The following GALNT13 variants were observed in gnomAD, a reference collection of about 807,000 sequenced individuals.
The protein encoded by GALNT13 is polypeptide N-acetylgalactosaminyltransferase 13.
Under a neutral mutation model 64.2 loss-of-function variants are expected in GALNT13, and 28 were observed. That is an observed-to-expected ratio of 0.44 (90% CI 0.32 to 0.60). GALNT13 has a LOEUF of 0.60. Among genes scored for constraint, GALNT13 ranks in the 20% least tolerant of loss-of-function variants. The probability of loss-of-function intolerance (pLI) is 0.05; values close to 1 mark genes in which losing one functional copy is unlikely to be tolerated. For synonymous variants in GALNT13, 214 were observed against 224.6 expected (o/e 0.95, Z 0.42); for missense variants, 577 against 669.8 (o/e 0.86, Z 1.53).
chr2:153,291,561 C>G, the GALNT13 span, among the ~76,000 whole-genome samples: 1 of 152,128 alleles, frequency 6.6e-6, no homozygotes, highest in African/African-American at 2.4e-5. Flanking sequence ...TTCATCCCCA[C>G]CACCATGCTG....
At chr2:154,371,605 G>A (rs1697689831) in intron 9 of GALNT13, among the ~76,000 whole-genome samples, 1 of 152,046 alleles carries the variant, frequency 6.6e-6, no homozygotes, top group Non-Finnish European at 1.5e-5. Flanking sequence ...CTTGAGGAGG[G>A]CAGAGGGGAC....
the GALNT13 span, among the ~76,000 whole-genome samples, chr2:153,347,445 T>C: frequency 6.7e-3 from 1,023 of 152,298 alleles, 14 homozygotes; most frequent in African/African-American, 0.023. Context: ...ATAATGAATT[T>C]CAAGACAGCA....
intron 3 of GALNT13, among the ~76,000 whole-genome samples, chr2:154,072,278 C>T (rs1157521393): frequency 6.6e-6 from 1 of 151,998 alleles, no homozygotes; most frequent in Non-Finnish European, 1.5e-5. Context: ...TGCTACATGG[C>T]CCACATGTTT....
intron 8 of GALNT13, among the ~76,000 whole-genome samples, chr2:154,288,023 A>G (rs1692374961): frequency 6.6e-6 from 1 of 152,074 alleles, no homozygotes; most frequent in South Asian, 2.1e-4. Flanking sequence ...TCACACTGCT[A>G]GTAAAGACAT....
chr2:153,811,022 G>T, the GALNT13 span, among the ~76,000 whole-genome samples: 1 of 152,110 alleles, frequency 6.6e-6, no homozygotes, highest in Non-Finnish European at 1.5e-5. Context: ...GTAAAATGCA[G>T]ATAATGCCCC....
At chr2:153,099,455 T>C in the GALNT13 span, among the ~76,000 whole-genome samples, 2 of 152,310 alleles carry the variant, frequency 1.3e-5, no homozygotes, top group South Asian at 2.1e-4. Flanking sequence ...TATTGATATA[T>C]TGATAAACTC....
chr2:153,281,226 A>C, the GALNT13 span, among the ~76,000 whole-genome samples: 1 of 151,294 alleles, frequency 6.6e-6, no homozygotes, highest in African/African-American at 2.4e-5. Context: ...TTCTGTTTGC[A>C]TGATGGATCT....
chr2:154,123,137 G>A (rs1682051779), intron 3 of GALNT13, among the ~76,000 whole-genome samples: 1 of 151,934 alleles, frequency 6.6e-6, no homozygotes, highest in African/African-American at 2.4e-5. Flanking sequence ...AAAGCTGAAG[G>A]AAATTTTTTC....
chr2:154,383,913 C>CAG (rs374064455), intron 9 of GALNT13, among the ~76,000 whole-genome samples: 6 of 149,956 alleles, frequency 4.0e-5, no homozygotes, highest in African/African-American at 1.2e-4. Context: ...ATATGTGTGT[C>CAG]AGAGAGAGAG....
intron 4 of GALNT13, among the ~76,000 whole-genome samples, chr2:154,210,686 T>A (rs1687708458): frequency 6.6e-6 from 1 of 152,216 alleles, no homozygotes; most frequent in South Asian, 2.1e-4. Context: ...GATCATAATT[T>A]AATTTTTAAA....
chr2:154,157,604 G>A (rs551275762), intron 4 of GALNT13, among the ~76,000 whole-genome samples: 2 of 152,090 alleles, frequency 1.3e-5, no homozygotes, highest in East Asian at 1.9e-4. Context: ...CTTCTCTAGC[G>A]AATGCTTATC....
the GALNT13 span, among the ~76,000 whole-genome samples, chr2:153,167,971 A>G: frequency 1.3e-5 from 2 of 152,190 alleles, no homozygotes; most frequent in African/African-American, 2.4e-5. Flanking sequence ...TGGTATAAAC[A>G]GTGTTTCTTC....
the GALNT13 span, among the ~76,000 whole-genome samples, chr2:153,255,607 G>A: frequency 3.3e-5 from 5 of 152,240 alleles, no homozygotes; most frequent in South Asian, 4.1e-4. Flanking sequence ...GCTGGTACCG[G>A]TTGTTCCTTT....
intron 7 of GALNT13, among the ~76,000 whole-genome samples, chr2:154,257,085 T>G (rs2105898259): frequency 6.6e-6 from 1 of 152,248 alleles, no homozygotes; most frequent in African/African-American, 2.4e-5. Context: ...CAAAAAAAAC[T>G]ATCCAGGAGT....
chr2:154,307,534 A>G (rs765040761), intron 9 of GALNT13, among the ~76,000 whole-genome samples: 5 of 152,314 alleles, frequency 3.3e-5, no homozygotes, highest in Non-Finnish European at 5.9e-5. Context: ...CAAAGTTGGT[A>G]GAGTCTATTT....
At chr2:153,346,279 T>A in the GALNT13 span, among the ~76,000 whole-genome samples, 9 of 152,156 alleles carry the variant, frequency 5.9e-5, no homozygotes, top group Admixed American at 5.9e-4. Flanking sequence ...TACCAAATCT[T>A]CTATAGCCTT....
chr2:154,025,834 C>T (rs1486583337), intron 3 of GALNT13, among the ~76,000 whole-genome samples: 1 of 151,934 alleles, frequency 6.6e-6, no homozygotes, highest in Non-Finnish European at 1.5e-5. Context: ...AGGGGGTAAG[C>T]AACTACTTCC....
intron 4 of GALNT13, among the ~76,000 whole-genome samples, chr2:154,160,882 G>C (rs1684687380): frequency 6.6e-6 from 1 of 152,134 alleles, no homozygotes; most frequent in African/African-American, 2.4e-5. Flanking sequence ...ATGTATGATA[G>C]ATTCACTGTT....
At chr2:154,360,627 C>T (rs897322078) in intron 9 of GALNT13, among the ~76,000 whole-genome samples, 2 of 152,108 alleles carry the variant, frequency 1.3e-5, no homozygotes, top group African/African-American at 4.8e-5. Flanking sequence ...TACAAATTTG[C>T]AACGTGTACC....
Sources: allele counts gnomAD v4.1 joint callset (sites outside exome capture counted in the v4.1 genomes callset), GRCh38; gene constraint gnomAD v4.1.1; transcripts MANE v1.5; gene names NCBI Gene and HGNC (gene_info 2026-07-23, HGNC 2026-07-21).